Variants in CCDC33 observed in about 807,000 individuals in gnomAD.
CCDC33 encodes coiled-coil domain-containing protein 33.
CCDC33 carries 94 observed loss-of-function variants against 91.9 expected under a neutral mutation model. The ratio of observed to expected loss-of-function variants is 1.02; its 90% confidence interval spans 0.87 to 1.21. CCDC33 has a LOEUF of 1.21. CCDC33 is among the 50% of genes most tolerant of loss of function. The pLI is 0.00. For missense variants in CCDC33, 940 were observed against 935.5 expected, an observed-to-expected ratio of 1.00 and a Z score of -0.06; for synonymous variants, 396 against 374.5, an observed-to-expected ratio of 1.06 and a Z score of -0.66.
chr15:74,270,798 A>G (rs2142426701), intron 5 of CCDC33, among the ~76,000 whole-genome samples: 1 of 152,234 alleles, frequency 6.6e-6, no homozygotes, highest in Non-Finnish European at 1.5e-5. Context: ...GCAGGGGGTC[A>G]GTGAGGGTTG....
intron 6 of CCDC33, 55 bp downstream of exon 6, chr15:74,271,849 G>T (rs546453481): frequency 5.1e-5 from 75 of 1,472,982 alleles, no homozygotes; most frequent in Non-Finnish European, 6.4e-5. Context: ...GGGCAGAGGA[G>T]GGGGTGAGGC....
At chr15:74,264,035 C>G (rs972386131) in intron 3 of CCDC33, among the ~76,000 whole-genome samples, 1 of 152,086 alleles carries the variant, frequency 6.6e-6, no homozygotes. Context: ...GTCAGTGACC[C>G]CAGGGCCCAT....
chr15:74,336,314 G>C (rs2060566785), downstream of CCDC33: 1 of 1,398,400 alleles, frequency 7.2e-7, no homozygotes, highest in Admixed American at 2.2e-5. Context: ...AGGGTGGAGA[G>C]AAGAGGCCTT....
chr15:74,256,172 G>C (rs1595956598), intron 2 of CCDC33, among the ~76,000 whole-genome samples: 3 of 152,296 alleles, frequency 2.0e-5, no homozygotes, highest in Middle Eastern at 3.4e-3. Context: ...CAGTCTCCCA[G>C]GAAGGCGGCC....
At chr15:74,333,085 G>A in intron 16 of CCDC33, 1 of 798,320 alleles carries the variant, frequency 1.3e-6, no homozygotes, top group East Asian at 2.7e-5. Flanking sequence ...GCCCCTTGTT[G>A]ACCCTTGGTC....
intron 1 of CCDC33, chr15:74,217,593 G>A (rs979608971): frequency 6.7e-5 from 81 of 1,213,780 alleles, no homozygotes; most frequent in Admixed American, 8.8e-5. Flanking sequence ...TATGAAGTAG[G>A]GGTGGGGTTT....
At chr15:74,309,945 T>C (rs1355261394) in intron 11 of CCDC33, among the ~76,000 whole-genome samples, 1 of 151,340 alleles carries the variant, frequency 6.6e-6, no homozygotes, top group Non-Finnish European at 1.5e-5. Flanking sequence ...ACCAGGAGCT[T>C]GAGACCAGCC....
rs180963176 is a variant in CCDC33 at position 74,260,655 on chromosome 15, G to A, written c.186-1785G>A. Among the ~76,000 whole-genome samples, 27 of 152,194 alleles carry A rather than the reference G, an allele frequency of 1.8e-4. 1 individual carries two copies. Among genetic ancestry groups the A allele is most frequent in the South Asian group, 1.2e-3 (6 of 4,824 alleles). ...GAGATGATCTCGCCAGGATAAACGC[G>A]GGCTCCAAACCCAGCTCTGAATCAT... On this transcript the variant is annotated intron_variant, in intron 2 of 18. Transcript: ENST00000398814.
Position 74,207,720 on chromosome 15 carries a change from A to C in CCDC33, n.90-1668A>C, listed in dbSNP as rs2142112800. 2.1e-5 allele frequency: 33 copies of C among 1,535,706 alleles called. No individual in the cohort carries two copies. Among genetic ancestry groups the C allele is most frequent in the Non-Finnish European group, 2.9e-5 (33 of 1,146,910 alleles). On this transcript the variant is annotated intron_variant and non_coding_transcript_variant, in intron 1 of 3. Transcript: ENST00000558645. Reference sequence around the variant, plus strand: ...ACCTGTGCAGCCCAGTCCCCTTGAGAGTCCATGAATAAGCAGCCGAGAGAG... The same window carrying C: ...ACCTGTGCAGCCCAGTCCCCTTGAGCGTCCATGAATAAGCAGCCGAGAGAG...
Position 74,332,821 on chromosome 15 carries a change from C to G in CCDC33, c.1914C>G (p.Ile638Met). ...AGAACCGCCACCAGCAGGCCCCCAT[C>G]ATTCTGCAGCAACAGGCCCTGCCGG... ...LDKNRHQQAPIILQQQALPDL... is the reference protein window; with the variant it reads ...LDKNRHQQAPMILQQQALPDL... Residue 638 changes from isoleucine (I) to methionine (M), a missense_variant, in exon 16 of 19, where the codon ATC becomes ATG. Transcript: ENST00000398814. 6.2e-7 allele frequency: 1 copy of G among 1,614,148 alleles called. No homozygotes were observed. Among genetic ancestry groups the G allele is most frequent in the South Asian group, 1.1e-5 (1 of 91,072 alleles).
chr15:74,292,504 C>T (rs890271047), intron 10 of CCDC33, among the ~76,000 whole-genome samples: 1 of 152,164 alleles, frequency 6.6e-6, no homozygotes, highest in African/African-American at 2.4e-5. Flanking sequence ...TCTTGGTGCC[C>T]GTCACCTCAC....
chr15:74,284,011 T>C (rs570455402), intron 10 of CCDC33, among the ~76,000 whole-genome samples: 2 of 152,350 alleles, frequency 1.3e-5, no homozygotes, highest in Admixed American at 6.5e-5. Flanking sequence ...TAAATCTCTT[T>C]GTAGTGGAAC....
intron 7 of CCDC33, among the ~76,000 whole-genome samples, chr15:74,279,617 C>T (rs1236240871): frequency 3.9e-5 from 6 of 152,134 alleles, no homozygotes; most frequent in Non-Finnish European, 7.3e-5. Flanking sequence ...CTCAGGGCAA[C>T]CTCTGCCCCC....
Position 74,251,597 on chromosome 15 carries a change from CTG to C in CCDC33, c.185+7452_185+7453del, listed in dbSNP as rs374432586. Among the ~76,000 whole-genome samples, 376 of 152,350 alleles carry C rather than the reference CTG, an allele frequency of 2.5e-3. 3 individuals carry two copies. The highest frequency in any genetic ancestry group is 6.8e-3 in the Middle Eastern group (2 of 294). On this transcript the variant is annotated intron_variant, in intron 2 of 18. Transcript: ENST00000398814. ...CTCGAAGGGGAAGGCGCTGCTTCCT[CTG>C]TGCATGTGGGGCAGGCTTGGGATGG...
At position 74,217,398 on chromosome 15, in the gene CCDC33, T is replaced by TA. The variant is rs757508039; in HGVS notation, c.128dup (p.Tyr43Ter). Reference sequence around the variant, plus strand: ...CGTGGGGTTTAATGAGGCGGGTAGATACGCCCTGAGACTGTCAGCAGAGAA... The same window carrying TA: ...CGTGGGGTTTAATGAGGCGGGTAGATAACGCCCTGAGACTGTCAGCAGAGAA... The change falls in exon 1 of 3, where the codon TAC (tyrosine) becomes TAAC (stop). Residue 43 changes from tyrosine (Y) to a stop codon, truncating the protein, a stop_gained and frameshift_variant. Coordinates refer to the CCDC33 transcript ENST00000635913. LOFTEE classifies it high-confidence loss of function. 1.4e-4 allele frequency: 185 copies of TA among 1,289,720 alleles called. No individual in the cohort carries two copies. Among genetic ancestry groups the TA allele is most frequent in the Non-Finnish European group, 1.8e-4 (178 of 988,876 alleles). 79.9% of individuals were successfully genotyped at this position (1,289,720 alleles called of 1,614,324 possible). A position where few individuals can be genotyped will look rare whatever the true frequency, so the allele number is the denominator to read the frequency against.
Position 74,244,615 on chromosome 15 carries a change from GA to G in CCDC33, c.185+468del. ...CTTCTCCAGTCACTTCTATTATGGG[GA>G]CTCCCCTAGTTCTGGGCCTTTAATG... On this transcript the variant is annotated intron_variant, in intron 2 of 18. Coordinates refer to ENST00000398814, the MANE Select transcript of CCDC33 (RefSeq NM_025055.5). The surrounding 1 kb of genome is among the most constrained non-coding windows in gnomAD (Gnocchi z 4.2). 6.6e-6 allele frequency among the ~76,000 whole-genome samples: 1 copy of G among 151,778 alleles called. No homozygotes were observed. Among genetic ancestry groups the G allele is most frequent in the South Asian group, 2.1e-4 (1 of 4,796 alleles).
chr15:74,236,053 C>T (rs1298706558), upstream of CCDC33, among the ~76,000 whole-genome samples: 1 of 152,228 alleles, frequency 6.6e-6, no homozygotes, highest in Non-Finnish European at 1.5e-5. Flanking sequence ...CAAGCTGCAA[C>T]ACTCTTGAGA....
At chr15:74,273,914 C>T (rs907630049) in intron 7 of CCDC33, among the ~76,000 whole-genome samples, 2 of 149,496 alleles carry the variant, frequency 1.3e-5, no homozygotes, top group Non-Finnish European at 3.0e-5. Flanking sequence ...CACTAGCAAC[C>T]TCCGCCTCCC....
At position 74,263,560 on chromosome 15, in the gene CCDC33, T is replaced by A. The variant is rs2076084691; in HGVS notation, c.319+987T>A. On this transcript the variant is annotated intron_variant, in intron 3 of 18. Coordinates refer to ENST00000398814, the MANE Select transcript of CCDC33 (RefSeq NM_025055.5). ...GGAGCTAGTTCTAGGTCAAGCCAGATAATTTTTCTTTTCTGCCTGTAAAGG... is the reference window on the plus strand; with the variant it reads ...GGAGCTAGTTCTAGGTCAAGCCAGAAAATTTTTCTTTTCTGCCTGTAAAGG... Among the ~76,000 whole-genome samples, 3 of 152,242 alleles carry A rather than the reference T, an allele frequency of 2.0e-5. No individual in the cohort carries two copies. The South Asian group carries it at 6.2e-4, about 31-fold the overall frequency.
Sources: allele counts gnomAD v4.1 joint callset (sites outside exome capture counted in the v4.1 genomes callset), GRCh38; gene constraint gnomAD v4.1.1; non-coding constraint Gnocchi (gnomAD v3.1); transcripts MANE v1.5; gene names NCBI Gene and HGNC (gene_info 2026-07-23, HGNC 2026-07-21).